The following TPR variants were observed in gnomAD, a reference collection of about 807,000 sequenced individuals.
TPR encodes the protein translocated promoter region, nuclear basket protein.
A neutral mutation model predicts 316.1 loss-of-function variants in TPR; 51 were observed. The ratio of observed to expected loss-of-function variants is 0.16; its 90% CI spans 0.13 to 0.20. The LOEUF (loss-of-function observed/expected upper bound fraction) is 0.20. Among genes scored for constraint, TPR ranks in the 10% least tolerant of loss-of-function variants. TPR has a pLI of 1.00. For synonymous variants in TPR, 981 were observed against 914.7 expected (o/e 1.07, Z -1.31); for missense variants, 2,272 against 2,754.8 (o/e 0.82, Z 3.92).
chr1:186,327,721 T>C (rs534668997), intron 39 of TPR, 61 bp from the exon 40 acceptor site: 2 of 1,403,368 alleles, frequency 1.4e-6, no homozygotes, highest in South Asian at 2.4e-5. Context: ...TAAAACTATA[T>C]GTGAGGTATT....
At chr1:186,365,926 A>T (rs1221636465) in intron 4 of TPR, among the ~76,000 whole-genome samples, 4 of 152,232 alleles carry the variant, frequency 2.6e-5, no homozygotes, top group Non-Finnish European at 5.9e-5. Flanking sequence ...AGTGCTTCCA[A>T]ACCAGTGCCA....
Position 186,312,710 on chromosome 1 carries a change from T to C in TPR, c.*1261A>G. The C allele has an allele frequency of 6.4e-7, 1 of 1,565,830 alleles. No individual in the cohort carries two copies. Among genetic ancestry groups the C allele is most frequent in the Non-Finnish European group, 8.8e-7 (1 of 1,136,960 alleles). On this transcript the variant is annotated 3_prime_UTR_variant, in exon 51 of 51. Transcript: ENST00000367478. ...GATTAAAACTCAGATGTCTGGCTCT[T>C]TCCAAGATAGTACATTGCCTTTTAA...
At chr1:186,333,539 T>G (rs927813432) in intron 36 of TPR, 145 bp from the exon 37 acceptor site, 3 of 935,048 alleles carry the variant, frequency 3.2e-6, no homozygotes, top group Non-Finnish European at 4.7e-6. Flanking sequence ...TAATGTATTA[T>G]GCATTTTTAT....
rs760781151 is a variant in TPR, at chr1:186,361,742, T to C, written c.871-33A>G. The C allele has an allele frequency of 1.9e-6, 3 of 1,613,210 alleles. No homozygotes were observed. In the Admixed American group the frequency reaches 5.0e-5, roughly 27 times the overall value. ...TTAATCTTAAAAAGTTACCTAACAG[T>C]CAACAATGCAACATTTAGATACTAA... is the stretch of plus-strand genomic sequence containing the variant. On this transcript the variant is annotated intron_variant, in intron 8 of 50. Transcript: ENST00000367478.
At chr1:186,358,454 A>T in intron 13 of TPR, 89 bp downstream of exon 13, 1 of 903,892 alleles carries the variant, frequency 1.1e-6, no homozygotes, top group Non-Finnish European at 1.7e-6. Flanking sequence ...CATACATGGT[A>T]GTTCTATCTT....
In TPR at chr1:186,359,033, G is replaced by A. The variant is rs1373986811; in HGVS notation, c.1390-383C>T. Among the ~76,000 whole-genome samples, 4 of 152,208 alleles carry A rather than the reference G, an allele frequency of 2.6e-5. No homozygotes were observed. The East Asian group carries it at 7.7e-4, about 29-fold the overall frequency. On this transcript the variant is annotated intron_variant, in intron 12 of 50. Transcript: ENST00000367478. ...ATAATAAAGTACTTGGATTTAAACT[G>A]ACTTCTAAATTATAACAGCAACAGA... is the stretch of plus-strand genomic sequence containing the variant.
chr1:186,346,670 C>T (rs1233345402), intron 22 of TPR, among the ~76,000 whole-genome samples: 1 of 152,122 alleles, frequency 6.6e-6, no homozygotes, highest in East Asian at 1.9e-4. Context: ...AAGCCCTAGA[C>T]TATTGCTACA....
intron 13 of TPR, 120 bp from the exon 14 acceptor site, chr1:186,357,743 A>G: frequency 1.3e-6 from 1 of 753,238 alleles, no homozygotes; most frequent in East Asian, 2.8e-5. Context: ...ACTGCCTCAA[A>G]TTATCTTTAA....
intron 1 of TPR, among the ~76,000 whole-genome samples, chr1:186,374,540 A>G (rs1490472510): frequency 6.6e-6 from 1 of 152,198 alleles, no homozygotes; most frequent in African/African-American, 2.4e-5. Context: ...CTATCAGTTG[A>G]AGTGCAACAA....
At chr1:186,363,292 G>T in intron 5 of TPR, 50 bp downstream of exon 5, 1 of 1,418,058 alleles carries the variant, frequency 7.1e-7, no homozygotes, top group Non-Finnish European at 9.8e-7. Context: ...ATTTAGGTGA[G>T]TTTTAATAAA....
intron 41 of TPR, 101 bp downstream of exon 41, chr1:186,326,003 G>A: frequency 6.4e-7 from 1 of 1,568,252 alleles, no homozygotes; most frequent in Non-Finnish European, 8.6e-7. Context: ...ACAACCAAAG[G>A]TTTTAGTGAA....
intron 29 of TPR, among the ~76,000 whole-genome samples, chr1:186,340,487 A>G (rs140320411): frequency 6.6e-6 from 1 of 151,712 alleles, no homozygotes; most frequent in Non-Finnish European, 1.5e-5. Context: ...GCTAGCATGC[A>G]GTGGCATGAT....
intron 38 of TPR, among the ~76,000 whole-genome samples, chr1:186,331,900 A>G (rs1384859655): frequency 6.6e-6 from 1 of 152,124 alleles, no homozygotes; most frequent in East Asian, 1.9e-4. Flanking sequence ...GATAGCAGGT[A>G]ACAGTTTATG....
chr1:186,318,170 A>C (rs2102049380), intron 48 of TPR, among the ~76,000 whole-genome samples: 1 of 152,254 alleles, frequency 6.6e-6, no homozygotes, highest in Middle Eastern at 3.4e-3. Flanking sequence ...GTACAAAATG[A>C]CTACAAAAAT....
At chr1:186,365,940 G>A (rs537986683) in intron 4 of TPR, among the ~76,000 whole-genome samples, 22 of 152,182 alleles carry the variant, frequency 1.4e-4, no homozygotes, top group Non-Finnish European at 2.8e-4. Context: ...AGTGCCAGAC[G>A]ATGTGGAAAA....
At chr1:186,334,976 A>G in intron 35 of TPR, 92 bp downstream of exon 35, 1 of 1,297,710 alleles carries the variant, frequency 7.7e-7, no homozygotes, top group Non-Finnish European at 1.1e-6. Context: ...ACAATAGAAT[A>G]CACAGATTTC....
chr1:186,356,626 G>A (rs1659036679), intron 14 of TPR, 177 bp from the exon 15 acceptor site: 1 of 577,858 alleles, frequency 1.7e-6, no homozygotes, highest in Non-Finnish European at 3.0e-6. Flanking sequence ...CACCACACAG[G>A]ACTCAGGTAC....
At chr1:186,317,916 T>C (rs377424673) in intron 48 of TPR, among the ~76,000 whole-genome samples, 1 of 152,196 alleles carries the variant, frequency 6.6e-6, no homozygotes, top group South Asian at 2.1e-4. Flanking sequence ...CAGATTTTGA[T>C]AAATCTCAAA....
Position 186,371,022 on chromosome 1 carries a change from G to C in TPR, c.278C>G (p.Thr93Ser). ...AATTTCAAGTTCTTTGTTTTTCTCA[G>C]TTAGTGCCTTCAGTTGATTGTCTGG... ...EKLNNQLKAL[T>S]EKNKELEIAQ... Residue 93 changes from threonine to serine, a missense_variant, in exon 3 of 51, where the codon ACT becomes AGT. Physicochemically the swap from Thr to Ser is moderately conservative, Grantham distance 58. Transcript: ENST00000367478. 1 of 1,612,846 alleles carries C rather than the reference G, an allele frequency of 6.2e-7. No homozygotes were observed. The highest frequency in any genetic ancestry group is 8.5e-7 in the Non-Finnish European group (1 of 1,179,376).
Sources: allele counts gnomAD v4.1 joint callset (sites outside exome capture counted in the v4.1 genomes callset), GRCh38; gene constraint gnomAD v4.1.1; transcripts MANE v1.5; gene names NCBI Gene and HGNC (gene_info 2026-07-23, HGNC 2026-07-21).